The following CASK variants were observed in gnomAD, a reference collection of about 807,000 sequenced individuals.
CASK encodes the protein calcium/calmodulin dependent serine protein kinase, also known as peripheral plasma membrane protein CASK.
In CASK, 4 loss-of-function variants were observed where a neutral mutation model predicts 82.9. That is an observed-to-expected ratio of 0.05 (90% confidence interval 0.02 to 0.11). The LOEUF (loss-of-function observed/expected upper bound fraction) is 0.11. Ranked by LOEUF, CASK falls within the 10% of genes least tolerant of loss-of-function variation. The pLI, the probability that CASK is intolerant of heterozygous loss-of-function variation, is 1.00. For missense variants in CASK, 358 were observed against 720.9 expected (o/e 0.50, Z 5.76); for synonymous variants, 259 against 253.5 (o/e 1.02, Z -0.20).
rs967010225 is a variant in CASK at position 41,900,582 on chromosome X, A to G, written c.59+22348T>C. ...TTCAGACACTGTGTTCTTCAGCTCT[A>G]GAATTTCTGTTTGGTTCTTTTTTTT... On this transcript the variant is annotated intron_variant, in intron 1 of 26. Coordinates refer to ENST00000378163, the MANE Select transcript of CASK (RefSeq NM_001367721.1). Among the ~76,000 whole-genome samples the G allele has an allele frequency of 4.1e-5, 4 of 96,935 alleles. No homozygotes were observed. The Admixed American group carries it at 4.6e-4, about 11-fold the overall frequency. The allele number at this position is 96,935 out of a possible 115,157, so 84.2% of individuals were successfully genotyped here.
At chrX:41,676,758 G>A (rs7881845) in intron 5 of CASK, among the ~76,000 whole-genome samples, 224 of 112,878 alleles carry the variant, frequency 2.0e-3, no homozygotes, top group African/African-American at 5.9e-3. Flanking sequence ...AGAGGCTACT[G>A]CAGTTGCACA....
At chrX:41,695,441 G>A (rs1476074225) in intron 5 of CASK, 2 of 365,954 alleles carry the variant, frequency 5.5e-6, no homozygotes, top group African/African-American at 2.6e-5. Context: ...GTAGCCTCCC[G>A]AGTAGCTAGG....
intron 11 of CASK, among the ~76,000 whole-genome samples, chrX:41,622,241 G>A (rs2066297941): frequency 3.6e-5 from 4 of 112,360 alleles, no homozygotes; most frequent in African/African-American, 1.3e-4. Context: ...ACTTACAGGT[G>A]ATGTAATTGT....
intron 9 of CASK, among the ~76,000 whole-genome samples, chrX:41,632,612 T>G (rs1032590828): frequency 3.6e-5 from 4 of 112,138 alleles, no homozygotes; most frequent in Non-Finnish European, 7.5e-5. Flanking sequence ...CAGTTACATA[T>G]GGCTATTTAC....
chrX:41,815,543 T>G (rs11797495), intron 2 of CASK, among the ~76,000 whole-genome samples: 17,904 of 110,462 alleles, frequency 0.16, 1,413 homozygotes, highest in Middle Eastern at 0.31. Context: ...ATATATTATC[T>G]CAAATGAAAA....
Position 41,854,297 on chromosome X carries a change from A to G in CASK, c.60-1070T>C, listed in dbSNP as rs941758852. On this transcript the variant is annotated intron_variant, in intron 1 of 26. Transcript: ENST00000378163. ...ACGGTTCCCTGTGGTTACCAGTTAT[A>G]AAAGAAATATCTGAACTCAGTTAAG... 4.5e-5 allele frequency among the ~76,000 whole-genome samples: 5 copies of G among 110,757 alleles called. No individual in the cohort carries two copies. In the Admixed American group the frequency reaches 4.7e-4, roughly 11 times the overall value.
chrX:41,831,922 C>T (rs1158610042), intron 2 of CASK, among the ~76,000 whole-genome samples: 1 of 111,130 alleles, frequency 9.0e-6, no homozygotes, highest in Non-Finnish European at 1.9e-5. Context: ...GATCGTGCCA[C>T]TGCACTCCAG....
At chrX:41,916,385 A>G (rs1042480358) in intron 1 of CASK, among the ~76,000 whole-genome samples, 12 of 112,004 alleles carry the variant, frequency 1.1e-4, no homozygotes, top group African/African-American at 3.9e-4. Context: ...AACCAATACC[A>G]TAGTGGCTCC....
chrX:41,776,263 G>A (rs1314741235), intron 3 of CASK, among the ~76,000 whole-genome samples: 1 of 111,993 alleles, frequency 8.9e-6, no homozygotes, highest in Admixed American at 9.4e-5. Context: ...ACCACTAGTC[G>A]ATAGGAATTT....
intron 3 of CASK, among the ~76,000 whole-genome samples, chrX:41,767,860 G>T (rs1477391988): frequency 1.8e-5 from 2 of 111,393 alleles, no homozygotes; most frequent in Admixed American, 9.6e-5. Context: ...TGATCACTTG[G>T]TGAAGATAAT....
chrX:41,688,618 TAAG>T (rs1436479580), intron 5 of CASK, among the ~76,000 whole-genome samples: 11 of 111,941 alleles, frequency 9.8e-5, no homozygotes, highest in Admixed American at 6.7e-4. Flanking sequence ...GATGAAAACT[TAAG>T]AAACAGAAAT....
chrX:41,661,741 T>C (rs1483838926), intron 7 of CASK, among the ~76,000 whole-genome samples: 1 of 109,081 alleles, frequency 9.2e-6, no homozygotes, highest in Non-Finnish European at 1.9e-5. Flanking sequence ...CCATTAAGAC[T>C]AATGCCATAA....
intron 3 of CASK, among the ~76,000 whole-genome samples, chrX:41,769,047 T>C (rs2069165727): frequency 9.0e-6 from 1 of 111,326 alleles, no homozygotes; most frequent in Non-Finnish European, 1.9e-5. Flanking sequence ...GGTAAATCTT[T>C]ATGGAGAGTA....
chrX:41,791,588 T>C (rs1390297785), intron 2 of CASK, among the ~76,000 whole-genome samples: 1 of 109,108 alleles, frequency 9.2e-6, no homozygotes, highest in Non-Finnish European at 1.9e-5. Context: ...CCGGGTGTAG[T>C]GACGTGCACC....
chrX:41,570,019 T>TC (rs1380475142), intron 15 of CASK, among the ~76,000 whole-genome samples: 1 of 95,125 alleles, frequency 1.1e-5, no homozygotes, highest in Non-Finnish European at 2.1e-5. Flanking sequence ...TCTTTTTTTT[T>TC]TTTTTTTTTT....
Position 41,829,738 on chromosome X carries a change from T to G in CASK, c.172+23377A>C, listed in dbSNP as rs1235950331. On this transcript the variant is annotated intron_variant, in intron 2 of 26. Coordinates refer to ENST00000378163, the MANE Select transcript of CASK (RefSeq NM_001367721.1). ...ATATATATATATATATATATATATA[T>G]ATATATATATATATATATGTCAGCT... Among the ~76,000 whole-genome samples, 46 of 40,994 alleles carry G rather than the reference T, an allele frequency of 1.1e-3. 2 individuals carry two copies. The highest frequency in any genetic ancestry group is 4.3e-3 in the African/African-American group (43 of 9,939). 35.6% of individuals were successfully genotyped at this position (40,994 alleles called of 115,157 possible).
chrX:41,628,064 A>C (rs1318366527), intron 9 of CASK, among the ~76,000 whole-genome samples: 2 of 112,423 alleles, frequency 1.8e-5, no homozygotes, highest in Non-Finnish European at 1.9e-5. Flanking sequence ...CAAAAGTCAT[A>C]ATGTATTAAT....
At chrX:41,633,058 A>AC (rs1491119505) in intron 9 of CASK, among the ~76,000 whole-genome samples, 1 of 84,147 alleles carries the variant, frequency 1.2e-5, no homozygotes, top group Admixed American at 1.3e-4. Context: ...AAAAAAAAAA[A>AC]TAATAATAAT....
At chrX:41,845,329 C>T (rs1456061174) in intron 2 of CASK, among the ~76,000 whole-genome samples, 2 of 111,726 alleles carry the variant, frequency 1.8e-5, no homozygotes, top group Non-Finnish European at 3.8e-5. Context: ...CCCTCCAATT[C>T]TGCCTTTTTC....
Sources: gnomAD v4.1 joint callset for allele counts (sites outside exome capture counted in the v4.1 genomes callset) on GRCh38, gnomAD v4.1.1 for gene constraint, MANE v1.5 for transcripts, NCBI Gene and HGNC (gene_info 2026-07-23, HGNC 2026-07-21) for gene names.